The following MYO1B variants were observed in gnomAD, a reference collection of about 807,000 sequenced individuals.
MYO1B encodes unconventional myosin-Ib.
Under a neutral mutation model 159.7 loss-of-function variants are expected in MYO1B, and 72 were observed. That is an observed-to-expected ratio of 0.45 (90% CI 0.37 to 0.55). The LOEUF (loss-of-function observed/expected upper bound fraction) is 0.55, where lower values mean the gene tolerates loss of function less well. Ranked by LOEUF, MYO1B falls within the 20% of genes least tolerant of loss-of-function variation. MYO1B has a pLI of 0.00. For synonymous variants in MYO1B, 468 were observed against 473.8 expected (o/e 0.99, Z 0.16); for missense variants, 1,062 against 1,364.8 (o/e 0.78, Z 3.50).
At chr2:191,407,872 C>G (rs1361955073) in intron 24 of MYO1B, 1 of 304,516 alleles carries the variant, frequency 3.3e-6, no homozygotes, top group Non-Finnish European at 6.0e-6. Flanking sequence ...TCAGATTCTT[C>G]AAAAACTACT....
At chr2:191,347,334 C>T (rs932640980) in intron 6 of MYO1B, among the ~76,000 whole-genome samples, 3 of 152,196 alleles carry the variant, frequency 2.0e-5, no homozygotes, top group Admixed American at 6.5e-5. Context: ...GTTGTTATAA[C>T]TGATTTGATC....
intron 11 of MYO1B, among the ~76,000 whole-genome samples, chr2:191,368,224 A>G (rs368047386): frequency 3.3e-5 from 5 of 152,242 alleles, no homozygotes; most frequent in East Asian, 1.9e-4. Context: ...CACATAATCT[A>G]ACAAGTTGTG....
chr2:191,333,255 G>A (rs926827953), intron 4 of MYO1B, among the ~76,000 whole-genome samples: 2 of 152,102 alleles, frequency 1.3e-5, no homozygotes, highest in African/African-American at 4.8e-5. Context: ...CCTCTTGGCT[G>A]ATCTCCCAGC....
intron 2 of MYO1B, among the ~76,000 whole-genome samples, chr2:191,282,912 C>T (rs1056999030): frequency 1.4e-4 from 21 of 152,184 alleles, no homozygotes; most frequent in African/African-American, 4.8e-4. Context: ...TTACTCTGAT[C>T]GCTGCAAAGG....
In MYO1B at chr2:191,399,461, C is replaced by T. The variant is rs979576295; in HGVS notation, c.2296-921C>T. Among the ~76,000 whole-genome samples the T allele has an allele frequency of 1.5e-4, 23 of 152,334 alleles. No homozygotes were observed. In the South Asian group the frequency reaches 1.7e-3, roughly 11 times the overall value. ...CTACAGTGGTAGAGTCAAGTAGTAG[C>T]GATAGACTGTGTGACCTTCAGAGCC... is the stretch of plus-strand genomic sequence containing the variant. On this transcript the variant is annotated intron_variant, in intron 21 of 30. Coordinates refer to ENST00000392318, the MANE Select transcript of MYO1B (RefSeq NM_001130158.3).
In MYO1B at chr2:191,367,458, CTG is replaced by C. The variant is rs1246099936; in HGVS notation, c.1033-2082_1033-2081del. Reference sequence around the variant, plus strand: ...CCCCAATAGAGAGAGCCATCATTTCCTGTTCATTTCTATCACACAGTCCCTGG... The same window carrying C: ...CCCCAATAGAGAGAGCCATCATTTCCTTCATTTCTATCACACAGTCCCTGG... On this transcript the variant is annotated intron_variant, in intron 11 of 30. Transcript: ENST00000392318. Among the ~76,000 whole-genome samples, 4 of 152,324 alleles carry C rather than the reference CTG, an allele frequency of 2.6e-5. No individual in the cohort carries two copies. The East Asian group carries it at 7.7e-4, about 29-fold the overall frequency.
chr2:191,273,463 C>T (rs750645274), intron 1 of MYO1B, among the ~76,000 whole-genome samples: 3 of 152,156 alleles, frequency 2.0e-5, no homozygotes, highest in Non-Finnish European at 4.4e-5. Context: ...CTCCATGTGT[C>T]GTCTTCCTCT....
At chr2:191,411,272 G>A in intron 27 of MYO1B, 100 bp downstream of exon 27, 1 of 678,150 alleles carries the variant, frequency 1.5e-6, no homozygotes, top group Non-Finnish European at 2.5e-6. Flanking sequence ...AGTCTTAGAT[G>A]AGTGATTTTT....
intron 20 of MYO1B, 119 bp downstream of exon 20, chr2:191,393,341 A>C: frequency 8.6e-7 from 1 of 1,168,546 alleles, no homozygotes; most frequent in Non-Finnish European, 1.2e-6. Flanking sequence ...TCATGAGATA[A>C]TGGATGTTCT....
chr2:191,362,469 A>C, intron 9 of MYO1B, 98 bp downstream of exon 9: 5 of 805,080 alleles, frequency 6.2e-6, no homozygotes, highest in South Asian at 2.1e-5. Context: ...AGTGTAGCTC[A>C]TTCTCCCTAA....
intron 17 of MYO1B, chr2:191,387,685 A>G (rs7558242): frequency 0.99 from 555,174 of 559,516 alleles, 275,551 homozygotes; most frequent in East Asian, 1. Flanking sequence ...ATTTAATGAA[A>G]CTCAGTGGTT....
rs181386506 is a variant in MYO1B at position 191,332,120 on chromosome 2, G to A, written c.346+2091G>A. Among the ~76,000 whole-genome samples the A allele has an allele frequency of 7.6e-4, 116 of 152,166 alleles. 1 individual carries two copies. The highest frequency in any genetic ancestry group is 3.4e-3 in the Middle Eastern group (1 of 294). ...TGGGATTACAGGTGCCCACCACCAC[G>A]CCCGGCTAATTTTTGTATTTTTAGT... On this transcript the variant is annotated intron_variant, in intron 4 of 30. Transcript: ENST00000392318.
At chr2:191,295,089 C>A (rs1013166921) in intron 2 of MYO1B, among the ~76,000 whole-genome samples, 2 of 152,004 alleles carry the variant, frequency 1.3e-5, no homozygotes, top group African/African-American at 4.8e-5. Context: ...CCTTTATGAA[C>A]CTTTTTCTTT....
chr2:191,328,106 G>T (rs1691220673), intron 3 of MYO1B, among the ~76,000 whole-genome samples: 1 of 152,190 alleles, frequency 6.6e-6, no homozygotes, highest in Non-Finnish European at 1.5e-5. Flanking sequence ...GGCTTCTCAT[G>T]TCATCTCTTA....
chr2:191,276,773 A>T, intron 1 of MYO1B, 114 bp from the exon 2 acceptor site: 3 of 1,237,244 alleles, frequency 2.4e-6, no homozygotes, highest in South Asian at 1.7e-5. Context: ...GACATTTTTT[A>T]AGGCTAGTGA....
chr2:191,382,325 A>G (rs551046485), intron 14 of MYO1B, among the ~76,000 whole-genome samples: 8 of 152,198 alleles, frequency 5.3e-5, no homozygotes, highest in African/African-American at 1.9e-4. Context: ...TTCTTTCCAT[A>G]TAGATTTTTC....
intron 7 of MYO1B, among the ~76,000 whole-genome samples, chr2:191,357,610 T>G (rs1252682867): frequency 6.6e-6 from 1 of 152,242 alleles, no homozygotes; most frequent in Non-Finnish European, 1.5e-5. Flanking sequence ...CTTTACTAAG[T>G]CTTGTTAGCA....
At chr2:191,325,697 G>T (rs779250711) in intron 3 of MYO1B, among the ~76,000 whole-genome samples, 3 of 152,090 alleles carry the variant, frequency 2.0e-5, no homozygotes, top group African/African-American at 4.8e-5. Context: ...GGAGCTTTGG[G>T]AAAAGAAGCC....
In MYO1B at chr2:191,367,248, G is replaced by A. The variant is rs114612564; in HGVS notation, c.1033-2294G>A. On this transcript the variant is annotated intron_variant, in intron 11 of 30. Transcript: ENST00000392318. ...TAGGATAATGTTGTGGAGATTTGGTGGCATGAATCAGGCTCAGGAAGTCAG... is the reference window on the plus strand; with the variant it reads ...TAGGATAATGTTGTGGAGATTTGGTAGCATGAATCAGGCTCAGGAAGTCAG... Among the ~76,000 whole-genome samples, 332 of 152,178 alleles carry A rather than the reference G, an allele frequency of 2.2e-3. 1 individual carries two copies. The highest frequency in any genetic ancestry group is 7.8e-3 in the African/African-American group (325 of 41,512).
Sources: allele counts gnomAD v4.1 joint callset (sites outside exome capture counted in the v4.1 genomes callset), GRCh38; gene constraint gnomAD v4.1.1; transcripts MANE v1.5; gene names NCBI Gene and HGNC (gene_info 2026-07-23, HGNC 2026-07-21).